The following UNC13B variants were observed in gnomAD, a reference collection of about 807,000 sequenced individuals.
UNC13B encodes protein unc-13 homolog B.
A neutral mutation model predicts 211.0 loss-of-function variants in UNC13B; 144 were observed. The observed-to-expected ratio is 0.68, with a 90% confidence interval of 0.60 to 0.78. The LOEUF (loss-of-function observed/expected upper bound fraction) is 0.78. Among genes scored for constraint, UNC13B ranks in the 30% least tolerant of loss-of-function variants. The probability of loss-of-function intolerance (pLI) is 0.00; values close to 1 mark genes in which losing one functional copy is unlikely to be tolerated. For synonymous variants in UNC13B, 709 were observed against 725.8 expected, an observed-to-expected ratio of 0.98 and a Z score of 0.37; for missense variants, 1,777 against 2,002.0, an observed-to-expected ratio of 0.89 and a Z score of 2.14.
chr9:35,237,339 A>G (rs148589214), intron 4 of UNC13B, among the ~76,000 whole-genome samples: 1 of 152,262 alleles, frequency 6.6e-6, no homozygotes, highest in African/African-American at 2.4e-5. Context: ...CCCCAGTTCA[A>G]TCCTATTTAG....
At chr9:35,323,708 C>T (rs1830858749) in intron 11 of UNC13B, among the ~76,000 whole-genome samples, 2 of 152,168 alleles carry the variant, frequency 1.3e-5, no homozygotes, top group Admixed American at 1.3e-4. Flanking sequence ...TTGAAGCCCT[C>T]TTTGGTAGAG....
chr9:35,176,070 G>A (rs1379573128), intron 1 of UNC13B, among the ~76,000 whole-genome samples: 2 of 149,814 alleles, frequency 1.3e-5, no homozygotes, highest in Non-Finnish European at 3.0e-5. Flanking sequence ...AGAAATTTGA[G>A]TATTTTGTAG....
Position 35,307,333 on chromosome 9 carries a change from G to C in UNC13B, c.7929G>C (p.Ser2643=), listed in dbSNP as rs1239780736. The C allele has an allele frequency of 1.8e-5, 7 of 398,874 alleles. No individual in the cohort carries two copies. The Admixed American group carries it at 3.1e-4, about 18-fold the overall frequency. 24.7% of individuals were successfully genotyped at this position (398,874 alleles called of 1,614,324 possible). The change falls in exon 9 of 40, where the codon TCG becomes TCC. Residue 2643 remains serine, a synonymous_variant. Coordinates refer to ENST00000635942, the MANE Select transcript of UNC13B (RefSeq NM_001371189.2). ...GILQATDTEA[S]LEAENFALPA... is the part of the protein sequence containing the mutation. ...TGCAAGCTACAGACACGGAGGCATC[G>C]TTAGAAGCAGAGAACTTTGCGCTGC...
rs141656986 is a variant in UNC13B at position 35,380,149 on chromosome 9, A to G, written c.10206-321A>G. 3.3e-5 allele frequency among the ~76,000 whole-genome samples: 5 copies of G among 152,022 alleles called. No homozygotes were observed. The East Asian group carries it at 7.7e-4, about 23-fold the overall frequency. On this transcript the variant is annotated intron_variant, in intron 17 of 39. Transcript: ENST00000635942. ...CTGGAGCTCCGTGGCATGTCTAGCT[A>G]TTTTCCTCTTGGTGTTGCTGATACA...
At chr9:35,227,278 T>C (rs557187264) in intron 1 of UNC13B, among the ~76,000 whole-genome samples, 1 of 152,352 alleles carries the variant, frequency 6.6e-6, no homozygotes, top group South Asian at 2.1e-4. Context: ...TCAGTAGTAA[T>C]GCAGGATAAG....
At position 35,403,492 on chromosome 9, in the gene UNC13B, C is replaced by T. The variant is rs763129309; in HGVS notation, c.12630C>T (p.Phe4210=). The change falls in exon 39 of 40, where the codon TTC becomes TTT. Residue 4210 remains phenylalanine (F), a synonymous_variant. Coordinates refer to ENST00000635942, the MANE Select transcript of UNC13B (RefSeq NM_001371189.2). ...KWQTAGMFRP[F]VEVTMVGPHQ... ...AGACAGCGGGTATGTTCCGGCCTTT[C>T]GTGGAGGTGACTATGGTTGGCCCAC... 1.6e-5 allele frequency: 26 copies of T among 1,613,978 alleles called. No individual in the cohort carries two copies. Among genetic ancestry groups the T allele is most frequent in the East Asian group, 4.5e-5 (2 of 44,896 alleles).
chr9:35,171,545 G>C (rs1821333029), intron 1 of UNC13B, among the ~76,000 whole-genome samples: 1 of 152,166 alleles, frequency 6.6e-6, no homozygotes, highest in African/African-American at 2.4e-5. Flanking sequence ...GGGACTACAA[G>C]CATGTGCCAC....
chr9:35,290,407 C>T (rs145075914), intron 7 of UNC13B, among the ~76,000 whole-genome samples: 69 of 151,500 alleles, frequency 4.6e-4, no homozygotes, highest in African/African-American at 1.6e-3. Context: ...TCTCTGCGTT[C>T]ACCAAACCTG....
In UNC13B at chr9:35,381,082, GTCT is replaced by G. The variant is rs758066576; in HGVS notation, c.10376-13_10376-11del. The G allele has an allele frequency of 1.5e-4, 243 of 1,610,260 alleles. No homozygotes were observed. The highest frequency in any genetic ancestry group is 2.0e-4 in the Non-Finnish European group (238 of 1,177,196). On this transcript the variant is annotated splice_polypyrimidine_tract_variant and intron_variant, in intron 18 of 39. Coordinates refer to ENST00000635942, the MANE Select transcript of UNC13B (RefSeq NM_001371189.2). ...CTAGTTGCATTGGTGTCAATCTCCAGTCTTCTTTCCTTCCTAGAGAAGAGGACA... is the reference window on the plus strand; with the variant it reads ...CTAGTTGCATTGGTGTCAATCTCCAGTCTTTCCTTCCTAGAGAAGAGGACA...
chr9:35,391,792 T>C (rs1204473315), intron 26 of UNC13B, among the ~76,000 whole-genome samples: 1 of 152,050 alleles, frequency 6.6e-6, no homozygotes, highest in Non-Finnish European at 1.5e-5. Flanking sequence ...TAGTGTGAGG[T>C]GGGGCAGAGG....
chr9:35,284,708 T>C (rs1828695218), intron 7 of UNC13B, among the ~76,000 whole-genome samples: 1 of 152,214 alleles, frequency 6.6e-6, no homozygotes, highest in African/African-American at 2.4e-5. Flanking sequence ...ACTTACCGAA[T>C]CAACTGTCTA....
chr9:35,361,790 G>A, intron 11 of UNC13B: 1 of 152,224 alleles, frequency 6.6e-6, no homozygotes, highest in East Asian at 1.9e-4. Flanking sequence ...GGGAAGGAAA[G>A]CAGACAGAAA....
intron 15 of UNC13B, among the ~76,000 whole-genome samples, chr9:35,377,002 A>G (rs1210934759): frequency 6.6e-6 from 1 of 152,208 alleles, no homozygotes; most frequent in Non-Finnish European, 1.5e-5. Context: ...GGTATTACCC[A>G]CAAGCCAAGC....
intron 11 of UNC13B, among the ~76,000 whole-genome samples, chr9:35,348,414 T>C (rs1832504817): frequency 1.3e-5 from 2 of 152,206 alleles, no homozygotes; most frequent in Admixed American, 1.3e-4. Flanking sequence ...AATGATTTAC[T>C]CCTCCTTCTC....
intron 3 of UNC13B, among the ~76,000 whole-genome samples, chr9:35,232,226 C>A (rs940518908): frequency 7.8e-5 from 7 of 89,774 alleles, no homozygotes; most frequent in Non-Finnish European, 1.4e-4. Flanking sequence ...TCTCACCCAT[C>A]CTAGAGTGTG....
At chr9:35,394,617 T>C (rs530770192) in intron 26 of UNC13B, among the ~76,000 whole-genome samples, 2 of 152,190 alleles carry the variant, frequency 1.3e-5, no homozygotes, top group South Asian at 4.2e-4. Flanking sequence ...GAAGTTTATA[T>C]AGACGTTACC....
At chr9:35,264,004 T>C (rs2131645859) in intron 7 of UNC13B, among the ~76,000 whole-genome samples, 1 of 152,330 alleles carries the variant, frequency 6.6e-6, no homozygotes, top group Non-Finnish European at 1.5e-5. Context: ...AGAAGACTAC[T>C]GCAGATTTTG....
In UNC13B at chr9:35,378,708, AT is replaced by A. The variant is rs1280441836; in HGVS notation, c.10205+276del. ...TCCTGCTTTTTCTAGCAGTAGAAAG[AT>A]TTTACTACTTTACTGCTCAGTGACA... On this transcript the variant is annotated intron_variant, in intron 17 of 39. Coordinates refer to ENST00000635942, the MANE Select transcript of UNC13B (RefSeq NM_001371189.2). Among the ~76,000 whole-genome samples the A allele has an allele frequency of 2.6e-5, 4 of 152,180 alleles. No homozygotes were observed. In the East Asian group the frequency reaches 7.7e-4, roughly 29 times the overall value.
At chr9:35,223,677 T>C (rs1311840071) in intron 1 of UNC13B, among the ~76,000 whole-genome samples, 1 of 152,144 alleles carries the variant, frequency 6.6e-6, no homozygotes, top group Non-Finnish European at 1.5e-5. Flanking sequence ...TTTTTAGTTT[T>C]ATAGGGTCCC....
Sources: gnomAD v4.1 joint callset for allele counts (sites outside exome capture counted in the v4.1 genomes callset) on GRCh38, gnomAD v4.1.1 for gene constraint, MANE v1.5 for transcripts, NCBI Gene and HGNC (gene_info 2026-07-23, HGNC 2026-07-21) for gene names.